Variants in GIT2 observed in about 807,000 individuals in gnomAD.
GIT2 encodes ARF GTPase-activating protein GIT2.
A neutral mutation model predicts 100.3 loss-of-function variants in GIT2; 32 were observed. That is an observed-to-expected ratio of 0.32 (90% CI 0.24 to 0.43). The LOEUF is 0.43. Ranked by LOEUF, GIT2 falls within the 20% of genes least tolerant of loss-of-function variation. GIT2 has a pLI of 1.00. For missense variants in GIT2, 737 were observed against 975.1 expected (o/e 0.76, Z 3.25); for synonymous variants, 353 against 364.1 (o/e 0.97, Z 0.35).
intron 16 of GIT2, chr12:109,939,505 G>C (rs950879139): frequency 3.3e-6 from 1 of 300,202 alleles, no homozygotes; most frequent in Non-Finnish European, 6.4e-6. Flanking sequence ...TAACAGACAT[G>C]CAAGGCAACA....
At position 109,951,333 on chromosome 12, in the gene GIT2, A is replaced by G; in HGVS notation, c.1243-17T>C. The G allele has an allele frequency of 6.3e-7, 1 of 1,593,634 alleles. No individual in the cohort carries two copies. The highest frequency in any genetic ancestry group is 8.6e-7 in the Non-Finnish European group (1 of 1,162,554). On this transcript the variant is annotated splice_polypyrimidine_tract_variant and intron_variant, in intron 13 of 19. Coordinates refer to ENST00000355312, the MANE Select transcript of GIT2 (RefSeq NM_057169.5). ...ATCTAGGCTCTAAAAATAAATTGGGAAAACGTTCACAATCTGAGATGACGA... is the reference window on the plus strand; with the variant it reads ...ATCTAGGCTCTAAAAATAAATTGGGGAAACGTTCACAATCTGAGATGACGA...
chr12:109,997,204 CAA>C (rs35732772), upstream of GIT2, among the ~76,000 whole-genome samples: 363 of 43,290 alleles, frequency 8.4e-3, 2 homozygotes, highest in African/African-American at 0.027. Flanking sequence ...GACTCCGTCT[CAA>C]AAAAAAAAAA....
At position 109,948,630 on chromosome 12, in the gene GIT2, T is replaced by A; in HGVS notation, c.1393-1126A>T. 3 of 1,425,584 alleles carry A rather than the reference T, an allele frequency of 2.1e-6. No homozygotes were observed. The highest frequency in any genetic ancestry group is 2.7e-6 in the Non-Finnish European group (3 of 1,098,498). The allele number at this position is 1,425,584 out of a possible 1,614,324, so 88.3% of individuals were successfully genotyped here. ...GTGTGGTGTGAGTTCAGCTGTCTAC[T>A]CTTTGACAGAGATTGTAAAATCTGA... On this transcript the variant is annotated intron_variant, in intron 14 of 19. Transcript: ENST00000355312. The surrounding 1 kb of genome is among the most constrained non-coding windows in gnomAD (Gnocchi z 4.3).
At chr12:109,985,577 C>T (rs1235105856) in intron 4 of GIT2, among the ~76,000 whole-genome samples, 2 of 151,802 alleles carry the variant, frequency 1.3e-5, no homozygotes, top group Admixed American at 6.6e-5. Flanking sequence ...TGGCCAGGCG[C>T]GGTGGCTCAT....
At chr12:109,958,997 T>C (rs1880320505) in intron 12 of GIT2, among the ~76,000 whole-genome samples, 1 of 152,156 alleles carries the variant, frequency 6.6e-6, no homozygotes, top group Non-Finnish European at 1.5e-5. Context: ...ATTTTAATTA[T>C]GTTGAACTCA....
In GIT2 at chr12:109,948,997, GAA is replaced by G; in HGVS notation, c.1393-1495_1393-1494del. ...TATATTAATCATGCCAAACTGCTGT[GAA>G]AGTGTGACTTACTGCCTCTTCCACA... On this transcript the variant is annotated intron_variant, in intron 14 of 19. Transcript: ENST00000355312. The surrounding 1 kb of genome is among the most constrained non-coding windows in gnomAD (Gnocchi z 4.3). 1.7e-6 allele frequency: 1 copy of G among 597,936 alleles called. No homozygotes were observed. Among genetic ancestry groups the G allele is most frequent in the Non-Finnish European group, 2.9e-6 (1 of 345,760 alleles). 37.0% of individuals were successfully genotyped at this position (597,936 alleles called of 1,614,324 possible). A position where few individuals can be genotyped will look rare whatever the true frequency, so the allele number is the denominator to read the frequency against.
Position 109,953,080 on chromosome 12 carries a change from A to G in GIT2, c.1242+12T>C, listed in dbSNP as rs766152925. On this transcript the variant is annotated intron_variant, in intron 13 of 19. Coordinates refer to ENST00000355312, the MANE Select transcript of GIT2 (RefSeq NM_057169.5). The stretch of plus-strand genomic sequence containing the variant: ...GCGTGCTTGCCCTTCCATGGGACGC[A>G]TGGCCTCTCACCTTCTGCCGGTTTG... 1.2e-6 allele frequency: 2 copies of G among 1,610,870 alleles called. No individual in the cohort carries two copies. Among genetic ancestry groups the G allele is most frequent in the Non-Finnish European group, 1.7e-6 (2 of 1,177,284 alleles).
chr12:109,966,999 G>C (rs1882657101), intron 8 of GIT2, among the ~76,000 whole-genome samples: 1 of 152,162 alleles, frequency 6.6e-6, no homozygotes, highest in Admixed American at 6.6e-5. Context: ...CACTGGAATA[G>C]ACACACCCAT....
At position 109,961,263 on chromosome 12, in the gene GIT2, A is replaced by G. The variant is rs753980320; in HGVS notation, c.987+15T>C. 1 of 1,468,560 alleles carries G rather than the reference A, an allele frequency of 6.8e-7. No individual in the cohort carries two copies. The highest frequency in any genetic ancestry group is 1.1e-5 in the South Asian group (1 of 88,132). The allele number at this position is 1,468,560 out of a possible 1,614,324, so 91.0% of individuals were successfully genotyped here. A position where few individuals can be genotyped will look rare whatever the true frequency, so the allele number is the denominator to read the frequency against. Reference sequence around the variant, plus strand: ...ATTCCCCAACTACTATTCCTTTCCAAACTGAGCCACTTGCCTGATTTCGTG... The same window carrying G: ...ATTCCCCAACTACTATTCCTTTCCAGACTGAGCCACTTGCCTGATTTCGTG... On this transcript the variant is annotated intron_variant, in intron 11 of 19. Coordinates refer to ENST00000355312, the MANE Select transcript of GIT2 (RefSeq NM_057169.5).
chr12:109,933,161 G>A lies in GIT2; in HGVS notation c.2097C>T (p.Ser699=), dbSNP rs751666546. The A allele has an allele frequency of 6.3e-7, 1 of 1,575,492 alleles. No homozygotes were observed. Among genetic ancestry groups the A allele is most frequent in the Non-Finnish European group, 8.6e-7 (1 of 1,159,080 alleles). Residue 699 remains serine (S), a synonymous_variant, in exon 20 of 20, where the codon TCC becomes TCT. Transcript: ENST00000355312. This position sits in a 1 kb window ranked among gnomAD's most constrained non-coding sequence, Gnocchi z 4.5. ...KKPKSDMVRT[S]LRLLTSSAYR... is the part of the protein sequence containing the mutation. Reference sequence around the variant, plus strand: ...AGGCACTGGACGTCAGTAAACGAAGGGAAGTCCTCACCATATCAGACTTGG... The same window carrying A: ...AGGCACTGGACGTCAGTAAACGAAGAGAAGTCCTCACCATATCAGACTTGG...
intron 2 of GIT2, among the ~76,000 whole-genome samples, 190 bp from the exon 3 acceptor site, chr12:109,989,992 A>G (rs1414467071): frequency 6.6e-6 from 1 of 152,196 alleles, no homozygotes; most frequent in Non-Finnish European, 1.5e-5. Context: ...AGCTTTGACT[A>G]GTAGGATAGT....
upstream of GIT2, chr12:109,999,894 C>A: frequency 1.0e-6 from 1 of 999,216 alleles, no homozygotes. This position sits in a 1 kb window ranked among gnomAD's most constrained non-coding sequence, Gnocchi z 4.3. Context: ...TCCCCAGACC[C>A]CTTCCACTTT....
intron 13 of GIT2, chr12:109,952,429 C>T (rs1878144944): frequency 2.0e-6 from 1 of 508,100 alleles, no homozygotes; most frequent in Non-Finnish European, 3.9e-6. Flanking sequence ...ACTCTCTAAC[C>T]CACCAGAAGA....
rs1871352719 is a variant in GIT2, at chr12:109,929,910, G to C, written c.*3068C>G. Reference sequence around the variant, plus strand: ...ACAGGAATAGAATGTACAATAAAAAGTACAGAATAATGAGTGACAGGGATC... The same window carrying C: ...ACAGGAATAGAATGTACAATAAAAACTACAGAATAATGAGTGACAGGGATC... On this transcript the variant is annotated 3_prime_UTR_variant, in exon 20 of 20. Coordinates refer to ENST00000355312, the MANE Select transcript of GIT2 (RefSeq NM_057169.5). The C allele has an allele frequency of 6.6e-6, 1 of 152,538 alleles. No homozygotes were observed. The highest frequency in any genetic ancestry group is 2.4e-5 in the African/African-American group (1 of 41,418). 9.4% of individuals were successfully genotyped at this position (152,538 alleles called of 1,614,324 possible).
chr12:109,999,644 G>T (rs1021784773), upstream of GIT2: 10 of 1,469,140 alleles, frequency 6.8e-6, no homozygotes, highest in African/African-American at 1.3e-4. This position sits in a 1 kb window ranked among gnomAD's most constrained non-coding sequence, Gnocchi z 4.3. Context: ...CGCCGGGGCC[G>T]AGACTTGGGG....
At position 109,983,244 on chromosome 12, in the gene GIT2, T is replaced by C. The variant is rs563174881; in HGVS notation, c.623+129A>G. ...CTTATATGCATTTGAAATGTCTTCA[T>C]CTGTAAAATAAAATAACGTACATCT... On this transcript the variant is annotated intron_variant, in intron 6 of 19. Transcript: ENST00000355312. The C allele has an allele frequency of 3.4e-4, 286 of 839,360 alleles. 2 individuals carry two copies. The African/African-American group carries it at 4.5e-3, about 13-fold the overall frequency. The allele number at this position is 839,360 out of a possible 1,614,324, so 52.0% of individuals were successfully genotyped here.
chr12:109,954,170 T>C (rs1291572823), intron 12 of GIT2: 1 of 151,994 alleles, frequency 6.6e-6, no homozygotes, highest in Non-Finnish European at 1.5e-5. Flanking sequence ...TAGCCGGGTG[T>C]GGTGGCGGGC....
At chr12:109,994,075 C>CAAAAAA (rs34393850) in intron 1 of GIT2, among the ~76,000 whole-genome samples, 1 of 59,690 alleles carries the variant, frequency 1.7e-5, no homozygotes, top group African/African-American at 5.5e-5. Context: ...ACACTAATGG[C>CAAAAAA]AAAAAAAAAA....
intron 3 of GIT2, 68 bp from the exon 4 acceptor site, chr12:109,989,136 T>A: frequency 1.0e-6 from 1 of 973,448 alleles, no homozygotes; most frequent in Non-Finnish European, 1.7e-6. Context: ...CTTTGTACTG[T>A]AAAAAGAAGA....
Sources: gnomAD v4.1 joint callset for allele counts (sites outside exome capture counted in the v4.1 genomes callset) on GRCh38, gnomAD v4.1.1 for gene constraint, Gnocchi (gnomAD v3.1) non-coding constraint, MANE v1.5 for transcripts, NCBI Gene and HGNC (gene_info 2026-07-23, HGNC 2026-07-21) for gene names.